FBXW9: variants seen among roughly 807,000 people sequenced by gnomAD.
The protein encoded by FBXW9 is F-box/WD repeat-containing protein 9.
A neutral mutation model predicts 55.8 loss-of-function variants in FBXW9; 38 were observed. The observed-to-expected ratio is 0.68, with a 90% CI of 0.53 to 0.89. FBXW9 has a LOEUF of 0.89. FBXW9 is among the 40% of genes least tolerant of loss of function. The pLI is 0.00. For missense variants in FBXW9, 590 were observed against 619.4 expected, an observed-to-expected ratio of 0.95 and a Z score of 0.50; for synonymous variants, 289 against 278.2, an observed-to-expected ratio of 1.04 and a Z score of -0.38.
rs546536606 is a variant in FBXW9, at chr19:12,689,456, C to A, written c.1237-19G>T. On this transcript the variant is annotated intron_variant, in intron 8 of 9. Transcript: ENST00000393261. The surrounding 1 kb of genome is among the most constrained non-coding windows in gnomAD (Gnocchi z 5.9). Reference sequence around the variant, plus strand: ...CGTGCACCTAGTGAGGGGCAATGGGCGAGGTCAAGAGGTGTGCCCCTGGCT... The same window carrying A: ...CGTGCACCTAGTGAGGGGCAATGGGAGAGGTCAAGAGGTGTGCCCCTGGCT... 4 of 1,614,000 alleles carry A rather than the reference C, an allele frequency of 2.5e-6. No homozygotes were observed. In the South Asian group the frequency reaches 3.3e-5, roughly 13 times the overall value.
chr19:12,694,497 CAG>C, intron 3 of FBXW9, 95 bp downstream of exon 3: 1 of 1,351,440 alleles, frequency 7.4e-7, no homozygotes, highest in Non-Finnish European at 1.0e-6. Flanking sequence ...TTAGAAAAGT[CAG>C]ATTCAAATCT....
rs1227994163 is a variant in FBXW9, at chr19:12,696,608, C to T, written c.-27G>A. 6.3e-7 allele frequency: 1 copy of T among 1,599,944 alleles called. No homozygotes were observed. Among genetic ancestry groups the T allele is most frequent in the East Asian group, 2.2e-5 (1 of 44,850 alleles). On this transcript the variant is annotated 5_prime_UTR_variant, in exon 1 of 10. Coordinates refer to ENST00000393261, the MANE Select transcript of FBXW9 (RefSeq NM_032301.3). ...GCGACCGGGTGGGCGCTGCCGGCCT[C>T]GCGTCTTGTCTCCTAGGCAGCACGA...
In FBXW9 at chr19:12,696,028, C is replaced by T. The variant is rs574619973; in HGVS notation, c.409+145G>A. 17 of 883,374 alleles carry T rather than the reference C, an allele frequency of 1.9e-5. No homozygotes were observed. In the South Asian group the frequency reaches 3.0e-4, roughly 16 times the overall value. The allele number at this position is 883,374 out of a possible 1,614,324, so 54.7% of individuals were successfully genotyped here. ...GGGGCTTCGGCACCACCAGTAACTA[C>T]CTTAGCCTCCAGCCTGAGCCAGGAC... On this transcript the variant is annotated intron_variant, in intron 1 of 9. Coordinates refer to ENST00000393261, the MANE Select transcript of FBXW9 (RefSeq NM_032301.3).
rs772683000 is a variant in FBXW9, at chr19:12,696,556, T to C, written c.26A>G (p.Asp9Gly). The change falls in exon 1 of 10, where the codon GAT (aspartate) becomes GGT (glycine). Residue 9 changes from aspartate to glycine, a missense_variant. By Grantham distance (94) the Asp-to-Gly change is moderately conservative. Transcript: ENST00000393261. The stretch of plus-strand genomic sequence containing the variant: ...GTCATCGTCCCAGGTGCGGGAATCA[T>C]CGCACCGCCCTAGGGGAAGCTCCAT... Reference protein sequence around the residue: MELPLGRCDDSRTWDDDSD... With the variant: MELPLGRCGDSRTWDDDSD... The C allele has an allele frequency of 1.2e-6, 2 of 1,611,692 alleles. No individual in the cohort carries two copies. Among genetic ancestry groups the C allele is most frequent in the Non-Finnish European group, 1.7e-6 (2 of 1,179,956 alleles).
intron 5 of FBXW9, 73 bp downstream of exon 5, chr19:12,691,093 A>G: frequency 7.7e-7 from 1 of 1,299,166 alleles, no homozygotes; most frequent in Non-Finnish European, 1.1e-6. Flanking sequence ...GACCCCAGCC[A>G]GGCTGTGAAG....
At position 12,696,336 on chromosome 19, in the gene FBXW9, A is replaced by T. The variant is rs2025070604; in HGVS notation, c.246T>A (p.Leu82=). ...SAVSEPGLLS[L]PPELLLEICS... ...AGATCTCGAGCAGCAGCTCCGGGGG[A>T]AGGCTCAGAAGGCCCGGCTCACTTA... Residue 82 remains leucine (L), a synonymous_variant, in exon 1 of 10, where the codon CTT becomes CTA. Transcript: ENST00000393261. 2 of 1,595,972 alleles carry T rather than the reference A, an allele frequency of 1.3e-6. No homozygotes were observed. Among genetic ancestry groups the T allele is most frequent in the Non-Finnish European group, 1.7e-6 (2 of 1,172,086 alleles).
At chr19:12,693,559 TATACAC>T (rs1175218852) in intron 3 of FBXW9, among the ~76,000 whole-genome samples, 18 of 10,992 alleles carry the variant, frequency 1.6e-3, no homozygotes, top group Non-Finnish European at 2.8e-3. Context: ...TATATATATA[TATACAC>T]ACACACACAC....
chr19:12,691,349 C>T lies in FBXW9; in HGVS notation c.784G>A (p.Glu262Lys), dbSNP rs1262749466. Residue 262 changes from glutamate (E) to lysine (K), a missense_variant, in exon 4 of 10, where the codon GAG (glutamate) becomes AAG (lysine). Transcript: ENST00000393261. The stretch of plus-strand genomic sequence containing the variant: ...GCCCAGGCCCCCACACACTTTATCT[C>T]GCCGAACTGCTGCCCATCCGCTGCC... The part of the protein sequence containing the change: ...DMAADGQQFG[E>K]IKASSAVLCL... 25 of 1,613,700 alleles carry T rather than the reference C, an allele frequency of 1.5e-5. No homozygotes were observed. The highest frequency in any genetic ancestry group is 1.9e-5 in the Non-Finnish European group (23 of 1,179,858).
At chr19:12,694,515 G>T in intron 3 of FBXW9, 79 bp downstream of exon 3, 3 of 1,495,344 alleles carry the variant, frequency 2.0e-6, no homozygotes, top group Non-Finnish European at 2.7e-6. Flanking sequence ...AATCTATGCG[G>T]TCCTGTACCA....
intron 5 of FBXW9, among the ~76,000 whole-genome samples, chr19:12,690,603 A>C (rs1490683568): frequency 6.6e-6 from 1 of 152,060 alleles, no homozygotes; most frequent in African/African-American, 2.4e-5. Context: ...GCAACGTGGC[A>C]AGACCCCGTT....
intron 3 of FBXW9, among the ~76,000 whole-genome samples, chr19:12,692,515 T>C (rs1323882878): frequency 6.7e-6 from 1 of 149,190 alleles, no homozygotes. Context: ...CGTGAGCCAC[T>C]GCATCCGGTC....
chr19:12,696,037 C>T, intron 1 of FBXW9, 136 bp downstream of exon 1: 1 of 953,744 alleles, frequency 1.0e-6, no homozygotes, highest in South Asian at 1.8e-5. Flanking sequence ...ACCTTAGCCT[C>T]CAGCCTGAGC....
intron 3 of FBXW9, 95 bp downstream of exon 3, chr19:12,694,499 G>A: frequency 7.3e-7 from 1 of 1,367,168 alleles, no homozygotes; most frequent in Non-Finnish European, 9.9e-7. Flanking sequence ...AGAAAAGTCA[G>A]ATTCAAATCT....
intron 3 of FBXW9, among the ~76,000 whole-genome samples, chr19:12,693,339 G>C (rs1166932827): frequency 1.3e-5 from 2 of 150,716 alleles, no homozygotes; most frequent in Non-Finnish European, 3.0e-5. Flanking sequence ...TGTACCTGAC[G>C]TCTATTGAGC....
chr19:12,694,611 G>C lies in FBXW9; in HGVS notation c.661C>G (p.Arg221Gly). 1 of 1,614,162 alleles carries C rather than the reference G, an allele frequency of 6.2e-7. No homozygotes were observed. The highest frequency in any genetic ancestry group is 1.6e-4 in the Middle Eastern group (1 of 6,062). Residue 221 changes from arginine (R) to glycine (G), a missense_variant, in exon 3 of 10, where the codon CGA becomes GGA. Coordinates refer to ENST00000393261, the MANE Select transcript of FBXW9 (RefSeq NM_032301.3). ...QVLIKTLGTK[R>G]NSTHEGWVWS... ...CTCCTCACCTCATGGGTACTATTTC[G>C]CTTAGTGCCTAAGGTCTTGATCAGA...
In FBXW9 at chr19:12,695,911, G is replaced by A. The variant is rs1010534200; in HGVS notation, c.409+262C>T. On this transcript the variant is annotated intron_variant, in intron 1 of 9. Transcript: ENST00000393261. ...CCAAGACTGAGGATATTTGGATCCT[G>A]AGTCGTCCAGGAACCACAGCCCCAT... 3.9e-4 allele frequency among the ~76,000 whole-genome samples: 60 copies of A among 152,312 alleles called. 2 individuals are homozygous for A. The South Asian group carries it at 4.3e-3, about 11-fold the overall frequency.
intron 1 of FBXW9, among the ~76,000 whole-genome samples, 183 bp downstream of exon 1, chr19:12,695,990 C>A (rs750507334): frequency 3.9e-5 from 6 of 152,216 alleles, no homozygotes; most frequent in Non-Finnish European, 4.4e-5. Context: ...CGTGGTCCAC[C>A]CAGAGGTCCT....
rs2145397286 is a variant in FBXW9 at position 12,689,080 on chromosome 19, C to T, written c.*136G>A. 1.3e-6 allele frequency: 1 copy of T among 794,526 alleles called. No individual in the cohort carries two copies. The highest frequency in any genetic ancestry group is 2.6e-5 in the East Asian group (1 of 38,364). The allele number at this position is 794,526 out of a possible 1,614,324, so 49.2% of individuals were successfully genotyped here. ...GGCATAGGGCCCAGGCCAGGACGCT[C>T]ACCCGAATGTGGCTGGGACTCCTTG... On this transcript the variant is annotated 3_prime_UTR_variant, in exon 10 of 10. Transcript: ENST00000393261. The surrounding 1 kb of genome is among the most constrained non-coding windows in gnomAD (Gnocchi z 5.9).
At position 12,690,166 on chromosome 19, in the gene FBXW9, C is replaced by G. The variant is rs780708510; in HGVS notation, c.884-56G>C. The G allele has an allele frequency of 5.6e-6, 9 of 1,608,786 alleles. No individual in the cohort carries two copies. The African/African-American group carries it at 8.0e-5, about 14-fold the overall frequency. ...TATCAGAGCCCCTCGAAGGCCCCCC[C>G]CAGCCCATGAGAGCATCCCGGGTCT... On this transcript the variant is annotated intron_variant, in intron 5 of 9. Transcript: ENST00000393261.
Sources: allele counts gnomAD v4.1 joint callset (sites outside exome capture counted in the v4.1 genomes callset), GRCh38; gene constraint gnomAD v4.1.1; non-coding constraint Gnocchi (gnomAD v3.1); transcripts MANE v1.5; gene names NCBI Gene and HGNC (gene_info 2026-07-23, HGNC 2026-07-21).